NOL4L: variants seen among roughly 807,000 people sequenced by gnomAD.
NOL4L encodes nucleolar protein 4 like.
NOL4L carries 7 observed loss-of-function variants against 64.5 expected under a neutral mutation model. The ratio of observed to expected loss-of-function variants is 0.11; its 90% CI spans 0.06 to 0.20. NOL4L has a LOEUF of 0.20. Among genes scored for constraint, NOL4L ranks in the 10% least tolerant of loss-of-function variants. The pLI is 1.00. For missense variants in NOL4L, 680 were observed against 967.1 expected (o/e 0.70, Z 3.94); for synonymous variants, 413 against 401.0 (o/e 1.03, Z -0.36).
At chr20:32,584,245 G>T (rs1475699132) in intron 1 of NOL4L, among the ~76,000 whole-genome samples, 1 of 150,746 alleles carries the variant, frequency 6.6e-6, no homozygotes, top group Non-Finnish European at 1.5e-5. Context: ...GGGAGGCTCG[G>T]GCTCCAGAGC....
At chr20:32,556,899 C>T (rs534244914) in intron 1 of NOL4L, among the ~76,000 whole-genome samples, 14 of 152,230 alleles carry the variant, frequency 9.2e-5, no homozygotes, top group African/African-American at 1.4e-4. Flanking sequence ...TCTGCACCAG[C>T]GACGTGACTA....
intron 1 of NOL4L, among the ~76,000 whole-genome samples, chr20:32,574,621 CT>C (rs1420401466): frequency 6.6e-6 from 1 of 152,136 alleles, no homozygotes; most frequent in Non-Finnish European, 1.5e-5. Flanking sequence ...CCCATGTCTC[CT>C]TGAACATTTC....
intron 4 of NOL4L, among the ~76,000 whole-genome samples, chr20:32,482,141 A>G (rs293538): frequency 0.12 from 18,202 of 152,176 alleles, 1,624 homozygotes; most frequent in African/African-American, 0.25. Context: ...AGCAGACAGA[A>G]AGGAAAATCA....
intron 1 of NOL4L, among the ~76,000 whole-genome samples, chr20:32,556,118 G>A (rs372811443): frequency 6.6e-6 from 1 of 152,206 alleles, no homozygotes; most frequent in Non-Finnish European, 1.5e-5. Context: ...CTAAATACAT[G>A]CGGAGTGAGA....
intron 3 of NOL4L, among the ~76,000 whole-genome samples, chr20:32,513,977 T>C (rs1200529408): frequency 6.6e-6 from 1 of 152,044 alleles, no homozygotes; most frequent in African/African-American, 2.4e-5. Flanking sequence ...ACAAGGGAAG[T>C]TCCTGCTTGG....
chr20:32,536,986 C>T (rs1289972306), intron 1 of NOL4L: 1 of 853,666 alleles, frequency 1.2e-6, no homozygotes, highest in African/African-American at 1.8e-5. Context: ...CGCGCACCTG[C>T]TGCGCGCGCG....
chr20:32,494,283 C>G (rs6119867), intron 4 of NOL4L, among the ~76,000 whole-genome samples: 2 of 67,162 alleles, frequency 3.0e-5, no homozygotes, highest in East Asian at 1.3e-3. Flanking sequence ...AAAAAAAAAA[C>G]ACACAACACA....
At chr20:32,500,995 A>T (rs1221537758) in intron 4 of NOL4L, among the ~76,000 whole-genome samples, 1 of 152,210 alleles carries the variant, frequency 6.6e-6, no homozygotes, top group Admixed American at 6.5e-5. Flanking sequence ...TTACGTTGAT[A>T]ATTCACCCTA....
At position 32,464,607 on chromosome 20, in the gene NOL4L, C is replaced by G. The variant is rs866183257; in HGVS notation, c.842-8212G>C. Among the ~76,000 whole-genome samples the G allele has an allele frequency of 6.6e-6, 1 of 152,232 alleles. No homozygotes were observed. The highest frequency in any genetic ancestry group is 1.9e-4 in the East Asian group (1 of 5,196). On this transcript the variant is annotated intron_variant, in intron 5 of 10. Transcript: ENST00000621426. The surrounding 1 kb of genome is among the most constrained non-coding windows in gnomAD (Gnocchi z 5.6). ...TCCTCTGCGTGTGCCCCTCAGTGCC[C>G]GGGCAGTGGGCGTTCCTGCTGAAAC...
At chr20:32,524,886 G>A (rs12625036) in intron 2 of NOL4L, among the ~76,000 whole-genome samples, 45,151 of 152,088 alleles carry the variant, frequency 0.3, 7,751 homozygotes, top group East Asian at 0.77. Context: ...AGATGGGGAG[G>A]AGAAGGGGAA....
At chr20:32,495,953 G>A (rs2016673055) in intron 4 of NOL4L, among the ~76,000 whole-genome samples, 1 of 152,088 alleles carries the variant, frequency 6.6e-6, no homozygotes, top group Non-Finnish European at 1.5e-5. Flanking sequence ...TGACTCGTGG[G>A]GCAGAGGCAC....
intron 4 of NOL4L, among the ~76,000 whole-genome samples, chr20:32,498,849 A>G (rs2016803743): frequency 1.3e-5 from 2 of 151,846 alleles, no homozygotes; most frequent in South Asian, 4.2e-4. Context: ...AACAAAGTGA[A>G]GCACTGTTTC....
chr20:32,547,148 C>A (rs920693261), intron 1 of NOL4L, among the ~76,000 whole-genome samples: 2 of 152,206 alleles, frequency 1.3e-5, no homozygotes, highest in Admixed American at 1.3e-4. Flanking sequence ...CTCACTGACT[C>A]TTCACTCCAG....
chr20:32,533,112 C>A (rs1300733405), intron 1 of NOL4L, among the ~76,000 whole-genome samples: 1 of 152,038 alleles, frequency 6.6e-6, no homozygotes, highest in Non-Finnish European at 1.5e-5. Context: ...ACAGCAAGAC[C>A]CATCTCTAAA....
At chr20:32,468,792 G>A (rs1374759785) in intron 5 of NOL4L, among the ~76,000 whole-genome samples, 5 of 151,704 alleles carry the variant, frequency 3.3e-5, no homozygotes, top group African/African-American at 1.2e-4. Flanking sequence ...CCAGCTACTC[G>A]GGAGGCTGAG....
At chr20:32,529,627 C>A (rs1438749167) in intron 1 of NOL4L, among the ~76,000 whole-genome samples, 1 of 152,184 alleles carries the variant, frequency 6.6e-6, no homozygotes, top group Non-Finnish European at 1.5e-5. Context: ...GAGCAGAGAG[C>A]AGATGGGGGG....
chr20:32,454,428 G>A (rs897972562), intron 6 of NOL4L, among the ~76,000 whole-genome samples: 2 of 150,194 alleles, frequency 1.3e-5, no homozygotes, highest in African/African-American at 2.5e-5. Flanking sequence ...AACCGGATCC[G>A]GCCTCCCCCA....
intron 5 of NOL4L, among the ~76,000 whole-genome samples, chr20:32,473,810 C>G (rs949197743): frequency 6.6e-6 from 1 of 152,188 alleles, no homozygotes; most frequent in Non-Finnish European, 1.5e-5. Flanking sequence ...TTCTTGGGCC[C>G]AGCTCACTCA....
In NOL4L at chr20:32,456,337, C is replaced by A; in HGVS notation, c.900G>T (p.Thr300=). 1 of 1,541,432 alleles carries A rather than the reference C, an allele frequency of 6.5e-7. No individual in the cohort carries two copies. The highest frequency in any genetic ancestry group is 8.8e-7 in the Non-Finnish European group (1 of 1,140,372). The change falls in exon 6 of 11, where the codon ACG becomes ACT. Residue 300 remains threonine (T), a synonymous_variant. Coordinates refer to ENST00000621426, the MANE Select transcript of NOL4L (RefSeq NM_001256798.2). ...CAGGGTCGCCCTGCGTGCTGCTCGA[C>A]GTGGATGGGTTCAGGGTGGAGGAGC... ...GNGSSTLNPS[T]SSSTQGDPAF... is the part of the protein sequence containing the mutation.
Sources: allele counts gnomAD v4.1 joint callset (sites outside exome capture counted in the v4.1 genomes callset), GRCh38; gene constraint gnomAD v4.1.1; non-coding constraint Gnocchi (gnomAD v3.1); transcripts MANE v1.5; gene names NCBI Gene and HGNC (gene_info 2026-07-23, HGNC 2026-07-21).